The following FBXL2 variants were observed in gnomAD, a reference collection of about 807,000 sequenced individuals.
FBXL2 encodes F-box and leucine rich repeat protein 2, also known as F-box/LRR-repeat protein 2.
A neutral mutation model predicts 69.2 loss-of-function variants in FBXL2; 38 were observed. The ratio of observed to expected loss-of-function variants is 0.55; its 90% CI spans 0.42 to 0.72. FBXL2 has a LOEUF of 0.72. Ranked by LOEUF, FBXL2 falls within the 30% of genes least tolerant of loss-of-function variation. The pLI is 0.00. For missense variants in FBXL2, 354 were observed against 520.3 expected (o/e 0.68, Z 3.11); for synonymous variants, 192 against 201.3 (o/e 0.95, Z 0.39).
At position 33,382,000 on chromosome 3, in the gene FBXL2, T is replaced by TAA. The variant is rs910653371; in HGVS notation, c.952-1988_952-1987insAA. Among the ~76,000 whole-genome samples, 3 of 152,218 alleles carry TAA rather than the reference T, an allele frequency of 2.0e-5. No homozygotes were observed. The East Asian group carries it at 5.8e-4, about 29-fold the overall frequency. Reference sequence around the variant, plus strand: ...TCGAGGTGGTACTCTGCTGCCTAGTTACATAGCCAGTAGTTCTAGTTTCTA... The same window carrying TAA: ...TCGAGGTGGTACTCTGCTGCCTAGTTAAACATAGCCAGTAGTTCTAGTTTCTA... On this transcript the variant is annotated intron_variant, in intron 13 of 14. Transcript: ENST00000484457.
intron 13 of FBXL2, among the ~76,000 whole-genome samples, chr3:33,381,180 A>G (rs1355465696): frequency 1.3e-4 from 20 of 152,238 alleles, no homozygotes; most frequent in Admixed American, 9.8e-4. Context: ...AAGTTTTTCA[A>G]TTAATATAAC....
intron 2 of FBXL2, among the ~76,000 whole-genome samples, chr3:33,299,633 A>G (rs1384971940): frequency 2.0e-5 from 3 of 152,208 alleles, no homozygotes; most frequent in African/African-American, 2.4e-5. Context: ...GGTAGTGATC[A>G]CATTTCAGGG....
chr3:33,369,596 T>TTTA (rs1381662219), intron 5 of FBXL2, among the ~76,000 whole-genome samples: 22 of 152,138 alleles, frequency 1.4e-4, no homozygotes, highest in African/African-American at 4.8e-4. Context: ...TTTTAAGAGA[T>TTTA]TTATTATTAT....
downstream of FBXL2, chr3:33,390,598 C>T (rs1195924935): frequency 8.3e-5 from 48 of 577,906 alleles, 2 homozygotes; most frequent in South Asian, 8.9e-4. Flanking sequence ...TATCAACGCC[C>T]GCATTCCAAC....
At chr3:33,395,765 A>G (rs1318259387) in intron 12 of FBXL2, among the ~76,000 whole-genome samples, 6 of 151,270 alleles carry the variant, frequency 4.0e-5, no homozygotes, top group African/African-American at 9.7e-5. Flanking sequence ...AAAAAAAAAA[A>G]AAAAAAAAGA....
At chr3:33,420,574 C>T in the FBXL2 span, among the ~76,000 whole-genome samples, 8 of 151,612 alleles carry the variant, frequency 5.3e-5, no homozygotes, top group South Asian at 2.1e-4. Context: ...CTGCAACCTC[C>T]GCCTCCTGGG....
the FBXL2 span, chr3:33,409,200 G>T: frequency 1.9e-6 from 3 of 1,596,354 alleles, no homozygotes; most frequent in East Asian, 4.5e-5. Flanking sequence ...TGCAACCTTT[G>T]CTTCTCTTCC....
chr3:33,401,089 C>A, intron 12 of FBXL2: 2 of 1,393,028 alleles, frequency 1.4e-6, no homozygotes, highest in Admixed American at 2.5e-5. Context: ...GCATTAAAAG[C>A]TGTTGCATTG....
intron 2 of FBXL2, among the ~76,000 whole-genome samples, chr3:33,312,136 A>G (rs1237042537): frequency 6.6e-6 from 1 of 152,102 alleles, no homozygotes; most frequent in African/African-American, 2.4e-5. Context: ...AGCTCACTAC[A>G]GCCTCGACTT....
At chr3:33,400,901 C>A (rs2044201496) in intron 12 of FBXL2, 6 of 1,532,566 alleles carry the variant, frequency 3.9e-6, no homozygotes, top group African/African-American at 1.4e-5. Flanking sequence ...TGCACAAAAA[C>A]CAAAACTTTA....
At chr3:33,391,188 G>A (rs1203342900), downstream of FBXL2, 2 of 152,198 alleles carry the variant, frequency 1.3e-5, no homozygotes, top group Admixed American at 1.3e-4. Flanking sequence ...AACATGTGAG[G>A]CGCAAAATAA....
chr3:33,282,769 TG>T (rs1376268369), intron 1 of FBXL2, among the ~76,000 whole-genome samples: 6 of 152,184 alleles, frequency 3.9e-5, no homozygotes, highest in African/African-American at 1.4e-4. Context: ...TCACATCCCT[TG>T]TAAGTTGGAT....
At chr3:33,345,677 A>AT (rs2040378803) in intron 2 of FBXL2, among the ~76,000 whole-genome samples, 1 of 152,240 alleles carries the variant, frequency 6.6e-6, no homozygotes, top group African/African-American at 2.4e-5. Context: ...CTCATTTAAA[A>AT]GAATAGCATA....
downstream of FBXL2, among the ~76,000 whole-genome samples, chr3:33,408,080 A>C (rs780632981): frequency 9.9e-5 from 15 of 152,076 alleles, no homozygotes; most frequent in Non-Finnish European, 2.1e-4. Context: ...ATTAATTCAC[A>C]ATGCAACTGC....
intron 12 of FBXL2, among the ~76,000 whole-genome samples, chr3:33,399,447 G>A (rs932793184): frequency 1.3e-5 from 2 of 152,032 alleles, no homozygotes; most frequent in African/African-American, 4.8e-5. Context: ...CTGTAATTGA[G>A]TACACTCAGA....
intron 5 of FBXL2, 108 bp downstream of exon 5, chr3:33,364,827 G>C (rs1187757029): frequency 9.8e-7 from 1 of 1,021,336 alleles, no homozygotes; most frequent in Non-Finnish European, 1.5e-6. Flanking sequence ...TCTTTCTGTG[G>C]TAATTTGCAT....
chr3:33,375,234 G>T, intron 9 of FBXL2, 54 bp from the exon 10 acceptor site: 1 of 1,588,016 alleles, frequency 6.3e-7, no homozygotes. Context: ...TGCTGCTCCC[G>T]TTTTGGTATT....
At chr3:33,345,681 T>C (rs978757380) in intron 2 of FBXL2, among the ~76,000 whole-genome samples, 1 of 152,138 alleles carries the variant, frequency 6.6e-6, no homozygotes, top group Non-Finnish European at 1.5e-5. Context: ...TTTAAAAGAA[T>C]AGCATACAAA....
intron 5 of FBXL2, among the ~76,000 whole-genome samples, chr3:33,370,701 C>T (rs1292073009): frequency 6.6e-6 from 1 of 152,060 alleles, no homozygotes; most frequent in Non-Finnish European, 1.5e-5. Flanking sequence ...CTGTAACCTC[C>T]ACCTCCTGAG....
Sources: gnomAD v4.1 joint callset for allele counts (sites outside exome capture counted in the v4.1 genomes callset) on GRCh38, gnomAD v4.1.1 for gene constraint, MANE v1.5 for transcripts, NCBI Gene and HGNC (gene_info 2026-07-23, HGNC 2026-07-21) for gene names.